The following OGFOD1 variants were observed in gnomAD, a reference collection of about 807,000 sequenced individuals.
OGFOD1 encodes prolyl 3-hydroxylase OGFOD1.
Under a neutral mutation model 67.7 loss-of-function variants are expected in OGFOD1, and 54 were observed. That is an observed-to-expected ratio of 0.80 (90% CI 0.64 to 1.00). The LOEUF (loss-of-function observed/expected upper bound fraction) is 1.00. OGFOD1 is among the 50% of genes least tolerant of loss of function. The probability of loss-of-function intolerance (pLI) is 0.00; values close to 1 mark genes in which losing one functional copy is unlikely to be tolerated. For missense variants in OGFOD1, 606 were observed against 646.7 expected (o/e 0.94, Z 0.68); for synonymous variants, 221 against 227.0 (o/e 0.97, Z 0.24).
chr16:56,466,779 C>G (rs1962916569), intron 5 of OGFOD1, 97 bp from the exon 6 acceptor site: 2 of 866,024 alleles, frequency 2.3e-6, no homozygotes, highest in East Asian at 4.8e-5. Flanking sequence ...AAGGGCACAT[C>G]TAGATGCCCT....
intron 8 of OGFOD1, among the ~76,000 whole-genome samples, chr16:56,469,439 A>AATCT (rs1963048267): frequency 2.0e-5 from 3 of 152,180 alleles, no homozygotes; most frequent in African/African-American, 7.2e-5. Flanking sequence ...GACGTAAGGT[A>AATCT]TATAACTACT....
chr16:56,467,162 CAG>C lies in OGFOD1; in HGVS notation c.658-2_658-1del, dbSNP rs1294092634. ...TGATGTGCTACTGGGCTTCTCCTTT[CAG>C]GTGTCTGAAGTGCTGTCTGAAGAAA... On this transcript the variant is annotated splice_acceptor_variant, in intron 6 of 12. Coordinates refer to ENST00000566157, the MANE Select transcript of OGFOD1 (RefSeq NM_018233.4). LOFTEE classifies it high-confidence loss of function. 6 of 1,614,134 alleles carry C rather than the reference CAG, an allele frequency of 3.7e-6. No individual in the cohort carries two copies. The highest frequency in any genetic ancestry group is 5.1e-6 in the Non-Finnish European group (6 of 1,180,020).
chr16:56,475,976 T>C (rs1963452723), intron 12 of OGFOD1, 68 bp from the exon 13 acceptor site: 2 of 1,395,478 alleles, frequency 1.4e-6, no homozygotes, highest in Admixed American at 2.0e-5. Flanking sequence ...ATCTGTTCCA[T>C]GGTTAATCAT....
intron 4 of OGFOD1, 110 bp downstream of exon 4, chr16:56,462,744 C>T (rs1290621562): frequency 1.5e-6 from 1 of 666,518 alleles, no homozygotes; most frequent in Non-Finnish European, 2.6e-6. Flanking sequence ...CCCTGCAAAG[C>T]ATCCGGATCT....
At chr16:56,470,929 G>A in intron 10 of OGFOD1, 138 bp downstream of exon 10, 1 of 814,150 alleles carries the variant, frequency 1.2e-6, no homozygotes, top group Non-Finnish European at 1.9e-6. Context: ...AACAGACAAG[G>A]TCTCTGGTCT....
At chr16:56,455,571 C>T (rs1962498901) in intron 2 of OGFOD1, among the ~76,000 whole-genome samples, 1 of 152,140 alleles carries the variant, frequency 6.6e-6, no homozygotes, top group Non-Finnish European at 1.5e-5. Context: ...GTTTCATTCT[C>T]CTGCTCCTTT....
intron 3 of OGFOD1, among the ~76,000 whole-genome samples, chr16:56,461,768 A>G (rs1962718817): frequency 6.6e-6 from 1 of 152,186 alleles, no homozygotes. Context: ...AAGCCCACAC[A>G]TTTGGCATTG....
Position 56,470,058 on chromosome 16 carries a change from G to A in OGFOD1, c.956G>A (p.Ser319Asn). ...EALEHGHVEW[S>N]SRGPPNKRFY... ...TTGGAGCATGGACATGTGGAATGGA[G>A]CAGCCGAGGTCCCCCTAACAAAAGG... The change falls in exon 9 of 13, where the codon AGC (serine) becomes AAC (asparagine). Residue 319 changes from serine (S) to asparagine (N), a missense_variant. By Grantham distance (46) the Ser-to-Asn change is conservative. Coordinates refer to ENST00000566157, the MANE Select transcript of OGFOD1 (RefSeq NM_018233.4). The A allele has an allele frequency of 1.9e-6, 3 of 1,614,052 alleles. No individual in the cohort carries two copies. Among genetic ancestry groups the A allele is most frequent in the African/African-American group, 2.7e-5 (2 of 75,008 alleles).
At chr16:56,458,816 T>C (rs1190421441) in intron 3 of OGFOD1, 3 of 514,410 alleles carry the variant, frequency 5.8e-6, no homozygotes, top group Admixed American at 3.4e-5. Context: ...AAGTTCTCAG[T>C]GATAAAATGC....
chr16:56,461,621 G>A (rs1181312499), intron 3 of OGFOD1, among the ~76,000 whole-genome samples: 1 of 152,198 alleles, frequency 6.6e-6, no homozygotes, highest in Non-Finnish European at 1.5e-5. Context: ...AAGTGGGGTT[G>A]GGGGAGAGGG....
At chr16:56,459,142 A>G (rs1056167867) in intron 3 of OGFOD1, among the ~76,000 whole-genome samples, 2 of 152,130 alleles carry the variant, frequency 1.3e-5, no homozygotes, top group Non-Finnish European at 2.9e-5. Context: ...GGAGTTCAAG[A>G]CCAGCCTGAC....
rs1318389282 is a variant in OGFOD1, at chr16:56,478,070, TAAAAAG to T, written c.*1869_*1874del. ...AAACACTAATTTTTAAATGATGAGA[TAAAAAG>T]AAATATCTAGAACTAGTTCTAACAT... On this transcript the variant is annotated 3_prime_UTR_variant, in exon 13 of 13. Transcript: ENST00000566157. 2 of 152,204 alleles carry T rather than the reference TAAAAAG, an allele frequency of 1.3e-5. No homozygotes were observed. Among genetic ancestry groups the T allele is most frequent in the East Asian group, 1.9e-4 (1 of 5,206 alleles). 9.4% of individuals were successfully genotyped at this position (152,204 alleles called of 1,614,324 possible).
chr16:56,469,850 C>CA (rs751278368), intron 8 of OGFOD1, among the ~76,000 whole-genome samples, 153 bp from the exon 9 acceptor site: 18,266 of 51,938 alleles, frequency 0.35, 2,635 homozygotes, highest in African/African-American at 0.38. Flanking sequence ...AACTCCATCT[C>CA]AAAAAAAAAA....
chr16:56,454,047 A>G (rs532937189), intron 2 of OGFOD1, among the ~76,000 whole-genome samples: 14 of 152,286 alleles, frequency 9.2e-5, no homozygotes, highest in Admixed American at 7.8e-4. Flanking sequence ...GACAATTACC[A>G]TTTAAAATCT....
At chr16:56,471,707 C>T (rs1963194882) in intron 10 of OGFOD1, among the ~76,000 whole-genome samples, 1 of 152,204 alleles carries the variant, frequency 6.6e-6, no homozygotes, top group Non-Finnish European at 1.5e-5. Context: ...TAACTGAAAG[C>T]AACATAACTC....
At chr16:56,472,478 C>CTATAA (rs1391765112) in intron 10 of OGFOD1, among the ~76,000 whole-genome samples, 1 of 152,104 alleles carries the variant, frequency 6.6e-6, no homozygotes, top group Non-Finnish European at 1.5e-5. Context: ...TGAAGAAAAG[C>CTATAA]TATAAAGCTT....
intron 2 of OGFOD1, chr16:56,455,058 A>G (rs781444601): frequency 6.7e-5 from 12 of 178,054 alleles, no homozygotes; most frequent in Non-Finnish European, 1.2e-4. Flanking sequence ...ACTTCATGCA[A>G]TTTGGAAGAT....
chr16:56,476,327 G>C lies in OGFOD1; in HGVS notation c.*122G>C. On this transcript the variant is annotated 3_prime_UTR_variant, in exon 13 of 13. Transcript: ENST00000566157. Reference sequence around the variant, plus strand: ...TTGCCTGACAGTGTTCTTAAAACTGGTTGTCTTTTACTAGGACTCATAATG... The same window carrying C: ...TTGCCTGACAGTGTTCTTAAAACTGCTTGTCTTTTACTAGGACTCATAATG... 1 of 888,472 alleles carries C rather than the reference G, an allele frequency of 1.1e-6. No individual in the cohort carries two copies. Among genetic ancestry groups the C allele is most frequent in the Non-Finnish European group, 1.7e-6 (1 of 598,984 alleles). The allele number at this position is 888,472 out of a possible 1,614,324, so 55.0% of individuals were successfully genotyped here. A position where few individuals can be genotyped will look rare whatever the true frequency, so the allele number is the denominator to read the frequency against.
At chr16:56,460,942 G>A (rs1962691713) in intron 3 of OGFOD1, among the ~76,000 whole-genome samples, 1 of 152,206 alleles carries the variant, frequency 6.6e-6, no homozygotes. Context: ...ATTTCTACAT[G>A]GAGAGCCAGT....
Sources: allele counts gnomAD v4.1 joint callset (sites outside exome capture counted in the v4.1 genomes callset), GRCh38; gene constraint gnomAD v4.1.1; transcripts MANE v1.5; gene names NCBI Gene and HGNC (gene_info 2026-07-23, HGNC 2026-07-21).